RABGGTB: variants seen among roughly 807,000 people sequenced by gnomAD.
RABGGTB encodes geranylgeranyl transferase type-2 subunit beta.
RABGGTB carries 20 observed loss-of-function variants against 44.5 expected under a neutral mutation model. The observed-to-expected ratio is 0.45, with a 90% CI of 0.32 to 0.65. The LOEUF is 0.65. Ranked by LOEUF, RABGGTB falls within the 30% of genes least tolerant of loss-of-function variation. The pLI is 0.05. For synonymous variants in RABGGTB, 128 were observed against 136.7 expected (o/e 0.94, Z 0.44); for missense variants, 302 against 398.7 (o/e 0.76, Z 2.06).
chr1:75,787,782 A>C, intron 2 of RABGGTB, 178 bp downstream of exon 2: 1 of 665,602 alleles, frequency 1.5e-6, no homozygotes, highest in Non-Finnish European at 2.7e-6. Context: ...TGGGCTTATT[A>C]GAATCTCAGT....
intron 4 of RABGGTB, 163 bp from the exon 5 acceptor site, chr1:75,791,122 T>G (rs1649635978): frequency 1.6e-6 from 1 of 626,992 alleles, no homozygotes; most frequent in East Asian, 2.7e-5. Flanking sequence ...AGGAATTTTC[T>G]TGGGAAGTAA....
chr1:75,789,373 A>G lies in RABGGTB; in HGVS notation c.309+17A>G, dbSNP rs1649587588. 2 of 1,602,418 alleles carry G rather than the reference A, an allele frequency of 1.2e-6. No individual in the cohort carries two copies. Among genetic ancestry groups the G allele is most frequent in the African/African-American group, 2.7e-5 (2 of 74,676 alleles). On this transcript the variant is annotated intron_variant, in intron 3 of 8. Coordinates refer to ENST00000319942, the MANE Select transcript of RABGGTB (RefSeq NM_004582.4). ...GCTGTCCAGGTAAATACTAATCAAA[A>G]TTGCAACGATCTTGATAGTATGTTC...
At chr1:75,794,468 GT>G in intron 8 of RABGGTB, 41 bp from the exon 9 acceptor site, 1 of 1,558,490 alleles carries the variant, frequency 6.4e-7, no homozygotes, top group Non-Finnish European at 8.7e-7. Context: ...AGTTAAAGAA[GT>G]TTTCATTTTG....
At chr1:75,786,518 C>A (rs1455711462) in intron 1 of RABGGTB, among the ~76,000 whole-genome samples, 1 of 152,038 alleles carries the variant, frequency 6.6e-6, no homozygotes, top group Non-Finnish European at 1.5e-5. Flanking sequence ...AGTTGAGCAG[C>A]CCGATTTCTG....
intron 1 of RABGGTB, among the ~76,000 whole-genome samples, chr1:75,786,517 G>A (rs35321712): frequency 0.047 from 7,086 of 152,114 alleles, 195 homozygotes; most frequent in African/African-American, 0.063. Context: ...GAGTTGAGCA[G>A]CCCGATTTCT....
intron 3 of RABGGTB, 48 bp downstream of exon 3, chr1:75,789,404 C>T: frequency 6.4e-7 from 1 of 1,564,642 alleles, no homozygotes; most frequent in Non-Finnish European, 8.8e-7. Context: ...TGTTCTCTTA[C>T]TTCAGAGTTG....
At chr1:75,791,224 T>G in intron 4 of RABGGTB, 61 bp from the exon 5 acceptor site, 1 of 1,410,854 alleles carries the variant, frequency 7.1e-7, no homozygotes, top group South Asian at 1.2e-5. Context: ...AGTGTTTGTT[T>G]TTAGATGACT....
chr1:75,793,422 A>G (rs1203676521), intron 7 of RABGGTB: 1 of 152,214 alleles, frequency 6.6e-6, no homozygotes, highest in African/African-American at 2.4e-5. Context: ...AAACCTTAGT[A>G]TTTCTGAATA....
intron 4 of RABGGTB, 97 bp from the exon 5 acceptor site, chr1:75,791,188 A>T: frequency 9.5e-7 from 1 of 1,054,176 alleles, no homozygotes; most frequent in Non-Finnish European, 1.5e-6. Context: ...GTTAAGCTTG[A>T]ACTCAATTTA....
At position 75,794,659 on chromosome 1, in the gene RABGGTB, A is replaced by T; in HGVS notation, c.*9A>T. ...CTGAGCTAGTGAGCTAGATTCATTG[A>T]ATTGAAAGTTGCATAGTATAGTTTT... is the stretch of plus-strand genomic sequence containing the variant. On this transcript the variant is annotated 3_prime_UTR_variant, in exon 9 of 9. Transcript: ENST00000319942. 3.2e-6 allele frequency: 5 copies of T among 1,584,228 alleles called. No individual in the cohort carries two copies. Among genetic ancestry groups the T allele is most frequent in the Non-Finnish European group, 1.7e-6 (2 of 1,164,272 alleles).
At chr1:75,788,058 TA>T in intron 2 of RABGGTB, 2 of 405,530 alleles carry the variant, frequency 4.9e-6, no homozygotes, top group South Asian at 1.8e-5. Context: ...TAGTTAAGAG[TA>T]AATGTTTTTC....
intron 2 of RABGGTB, 27 bp from the exon 3 acceptor site, chr1:75,789,132 G>C: frequency 6.3e-7 from 1 of 1,597,062 alleles, no homozygotes; most frequent in Non-Finnish European, 8.6e-7. Flanking sequence ...TCAAATGACA[G>C]ATTTAAGAAA....
chr1:75,793,971 T>C, intron 7 of RABGGTB, 113 bp from the exon 8 acceptor site: 2 of 1,112,808 alleles, frequency 1.8e-6, no homozygotes, highest in Non-Finnish European at 2.5e-6. Context: ...CCACATGGTT[T>C]GACACTTTGA....
At chr1:75,787,870 T>C in intron 2 of RABGGTB, 1 of 665,504 alleles carries the variant, frequency 1.5e-6, no homozygotes, top group South Asian at 1.4e-5. Context: ...CTTTTTGTAG[T>C]TAGGGGTAAT....
Position 75,795,079 on chromosome 1 carries a change from G to T in RABGGTB, c.*429G>T. On this transcript the variant is annotated 3_prime_UTR_variant, in exon 9 of 9. Transcript: ENST00000319942. ...ACAAAATAAATGGCTGTTGAAATTT[G>T]GAAATGATTGATAGGTTTGAATATG... The T allele has an allele frequency of 1.1e-5, 3 of 271,924 alleles. No homozygotes were observed. The highest frequency in any genetic ancestry group is 1.0e-4 in the South Asian group (3 of 29,434). The allele number at this position is 271,924 out of a possible 1,614,324, so 16.8% of individuals were successfully genotyped here.
At chr1:75,787,124 TTAGCTC>T (rs1649512203) in intron 1 of RABGGTB, 1 of 542,406 alleles carries the variant, frequency 1.8e-6, no homozygotes, top group South Asian at 1.4e-5. Context: ...TATTACTACT[TTAGCTC>T]TAGAATTACT....
rs760301683 is a variant in RABGGTB, at chr1:75,787,613, A to G, written c.111+9A>G. On this transcript the variant is annotated intron_variant, in intron 2 of 8. Coordinates refer to ENST00000319942, the MANE Select transcript of RABGGTB (RefSeq NM_004582.4). ...CAAAGAAAGATGATTATGTATGTATAATTTTTTTATGTTGGAAAGTTTATT... is the reference window on the plus strand; with the variant it reads ...CAAAGAAAGATGATTATGTATGTATGATTTTTTTATGTTGGAAAGTTTATT... 31 of 1,591,944 alleles carry G rather than the reference A, an allele frequency of 1.9e-5. 1 individual carries two copies. The South Asian group carries it at 3.1e-4, about 16-fold the overall frequency.
Position 75,794,820 on chromosome 1 carries a change from AT to A in RABGGTB, c.*174del. The stretch of plus-strand genomic sequence containing the variant: ...ATTGTAAAATAAAGACCGGTATTTT[AT>A]TTTCTGCTTTTTATTCTGAAGTCCT... On this transcript the variant is annotated 3_prime_UTR_variant, in exon 9 of 9. Transcript: ENST00000319942. 1 of 402,812 alleles carries A rather than the reference AT, an allele frequency of 2.5e-6. No individual in the cohort carries two copies. The highest frequency in any genetic ancestry group is 3.7e-6 in the Non-Finnish European group (1 of 267,342). The allele number at this position is 402,812 out of a possible 1,614,324, so 25.0% of individuals were successfully genotyped here. A position where few individuals can be genotyped will look rare whatever the true frequency, so the allele number is the denominator to read the frequency against.
At chr1:75,787,857 T>G (rs750495825) in intron 2 of RABGGTB, 1 of 682,688 alleles carries the variant, frequency 1.5e-6, no homozygotes, top group African/African-American at 1.7e-5. Context: ...AAAACGGGTT[T>G]CTCTTTTTGT....
Sources: allele counts gnomAD v4.1 joint callset (sites outside exome capture counted in the v4.1 genomes callset), GRCh38; gene constraint gnomAD v4.1.1; transcripts MANE v1.5; gene names NCBI Gene and HGNC (gene_info 2026-07-23, HGNC 2026-07-21).